TGM2: variants seen among roughly 807,000 people sequenced by gnomAD.
The protein encoded by TGM2 is transglutaminase 2.
TGM2 carries 53 observed loss-of-function variants against 75.6 expected under a neutral mutation model. The observed-to-expected ratio is 0.70, with a 90% CI of 0.56 to 0.88. The LOEUF (loss-of-function observed/expected upper bound fraction) is 0.88. TGM2 is among the 40% of genes least tolerant of loss of function. TGM2 has a pLI of 0.00. For missense variants in TGM2, 842 were observed against 928.5 expected, an observed-to-expected ratio of 0.91 and a Z score of 1.21; for synonymous variants, 374 against 381.1, an observed-to-expected ratio of 0.98 and a Z score of 0.22.
chr20:38,162,266 T>C (rs2075263325), intron 1 of TGM2, among the ~76,000 whole-genome samples: 1 of 152,246 alleles, frequency 6.6e-6, no homozygotes, highest in Non-Finnish European at 1.5e-5. Flanking sequence ...ACAATGTCTG[T>C]TGTGTAATAA....
chr20:38,155,832 T>TGGC lies in TGM2; in HGVS notation c.433+12_433+14dup. ...TGCCCACCCCAACGCTGTGAGTGGATGGCGTGTGGCTCACCTGGGCACCAG... is the reference window on the plus strand; with the variant it reads ...TGCCCACCCCAACGCTGTGAGTGGATGGCGGCGTGTGGCTCACCTGGGCACCAG... On this transcript the variant is annotated intron_variant, in intron 3 of 12. Coordinates refer to ENST00000361475, the MANE Select transcript of TGM2 (RefSeq NM_004613.4). The TGGC allele has an allele frequency of 6.3e-7, 1 of 1,592,592 alleles. No homozygotes were observed. The highest frequency in any genetic ancestry group is 8.5e-7 in the Non-Finnish European group (1 of 1,170,358).
At chr20:38,148,296 G>C (rs1252320075) in intron 4 of TGM2, among the ~76,000 whole-genome samples, 2 of 152,236 alleles carry the variant, frequency 1.3e-5, no homozygotes, top group African/African-American at 4.8e-5. Flanking sequence ...TGAGCCATGA[G>C]TGTGTGACGA....
chr20:38,159,490 G>A (rs983875711), intron 2 of TGM2, among the ~76,000 whole-genome samples: 3 of 151,716 alleles, frequency 2.0e-5, no homozygotes, highest in South Asian at 4.2e-4. Flanking sequence ...AAACCTGCAC[G>A]TGTACCCATG....
chr20:38,141,460 G>A, intron 7 of TGM2, 75 bp from the exon 8 acceptor site: 1 of 1,124,462 alleles, frequency 8.9e-7, no homozygotes, highest in Non-Finnish European at 1.3e-6. Flanking sequence ...GGCAGACCAT[G>A]CATTCATGTC....
chr20:38,165,213 G>A lies in TGM2; in HGVS notation c.-15C>T. 1 of 1,613,234 alleles carries A rather than the reference G, an allele frequency of 6.2e-7. No individual in the cohort carries two copies. On this transcript the variant is annotated 5_prime_UTR_variant, in exon 1 of 13. Coordinates refer to ENST00000361475, the MANE Select transcript of TGM2 (RefSeq NM_004613.4). ...CCCTCGGCCATGGTCGGGCGGGGGC[G>A]GTGGCTCCTTCCACTGGCGGCGAGA...
At chr20:38,145,321 G>T (rs1272015361) in intron 6 of TGM2, 1 of 152,204 alleles carries the variant, frequency 6.6e-6, no homozygotes, top group Non-Finnish European at 1.5e-5. Flanking sequence ...ATTGAGCCTG[G>T]TAATAATAAT....
intron 10 of TGM2, among the ~76,000 whole-genome samples, chr20:38,135,598 T>C (rs985863939): frequency 6.6e-6 from 1 of 151,960 alleles, no homozygotes; most frequent in Non-Finnish European, 1.5e-5. Flanking sequence ...GGTGTCCTTG[T>C]GTCCTGAACC....
chr20:38,165,064 T>G (rs1319231494), intron 1 of TGM2, 125 bp downstream of exon 1: 1 of 1,429,112 alleles, frequency 7.0e-7, no homozygotes, highest in Non-Finnish European at 9.8e-7. Flanking sequence ...TTGAGACGCC[T>G]CCTCACCCAG....
rs1201931225 is a variant in TGM2 at position 38,128,622 on chromosome 20, C to T, written c.*1597G>A. On this transcript the variant is annotated 3_prime_UTR_variant, in exon 13 of 13. Coordinates refer to ENST00000361475, the MANE Select transcript of TGM2 (RefSeq NM_004613.4). ...ATGTTGATTAATTGTGTGACTCTTT[C>T]CTGTGCAAAGCAGAAAGTTCTAAAT... 2 of 152,190 alleles carry T rather than the reference C, an allele frequency of 1.3e-5. No homozygotes were observed. The highest frequency in any genetic ancestry group is 2.4e-5 in the African/African-American group (1 of 41,436). The allele number at this position is 152,190 out of a possible 1,614,324, so 9.4% of individuals were successfully genotyped here.
Position 38,155,704 on chromosome 20 carries a change from G to A in TGM2, c.433+143C>T, listed in dbSNP as rs552711805. ...AGTACTCATGTCTTGAGGGTTTTGT[G>A]AGGCTGGAGCACAGTGGGCCTCACT... On this transcript the variant is annotated intron_variant, in intron 3 of 12. Coordinates refer to ENST00000361475, the MANE Select transcript of TGM2 (RefSeq NM_004613.4). 1.6e-5 allele frequency: 21 copies of A among 1,316,780 alleles called. No individual in the cohort carries two copies. In the African/African-American group the frequency reaches 2.5e-4, roughly 16 times the overall value. The allele number at this position is 1,316,780 out of a possible 1,614,324, so 81.6% of individuals were successfully genotyped here. A position where few individuals can be genotyped will look rare whatever the true frequency, so the allele number is the denominator to read the frequency against.
intron 1 of TGM2, among the ~76,000 whole-genome samples, chr20:38,161,983 G>A (rs1329333271): frequency 1.3e-5 from 2 of 152,002 alleles, no homozygotes; most frequent in Admixed American, 6.5e-5. Flanking sequence ...GGGACTATAG[G>A]TATGTGCCCA....
intron 4 of TGM2, among the ~76,000 whole-genome samples, chr20:38,150,281 G>A (rs1490143433): frequency 6.6e-6 from 1 of 152,174 alleles, no homozygotes; most frequent in Non-Finnish European, 1.5e-5. Context: ...AGGTCAGGCT[G>A]GCTTTACTGA....
chr20:38,149,447 G>A (rs1319457081), intron 4 of TGM2, among the ~76,000 whole-genome samples: 1 of 152,124 alleles, frequency 6.6e-6, no homozygotes, highest in African/African-American at 2.4e-5. Context: ...GGAGGCTGAG[G>A]CAGGCGGATC....
intron 3 of TGM2, among the ~76,000 whole-genome samples, chr20:38,152,070 T>C (rs2075121298): frequency 6.6e-6 from 1 of 152,226 alleles, no homozygotes; most frequent in African/African-American, 2.4e-5. Flanking sequence ...TTGAATGTTA[T>C]GACTGCCTTG....
At chr20:38,165,874 G>A (rs1336920251), upstream of TGM2, among the ~76,000 whole-genome samples, 4 of 152,000 alleles carry the variant, frequency 2.6e-5, no homozygotes, top group Non-Finnish European at 5.9e-5. Flanking sequence ...TCGAATGGCA[G>A]ACACACACCA....
intron 3 of TGM2, among the ~76,000 whole-genome samples, chr20:38,153,075 G>T (rs181999224): frequency 6.6e-6 from 1 of 152,174 alleles, no homozygotes; most frequent in Non-Finnish European, 1.5e-5. Flanking sequence ...TCTGTCCCGA[G>T]AAATCATTCC....
intron 2 of TGM2, among the ~76,000 whole-genome samples, 170 bp downstream of exon 2, chr20:38,161,250 C>T (rs2075248272): frequency 6.6e-6 from 1 of 152,204 alleles, no homozygotes; most frequent in Non-Finnish European, 1.5e-5. Flanking sequence ...CCTTTCCGGG[C>T]CTCAGTTCCC....
intron 6 of TGM2, among the ~76,000 whole-genome samples, chr20:38,144,950 A>G (rs73098470): frequency 0.03 from 4,633 of 152,280 alleles, 117 homozygotes; most frequent in Non-Finnish European, 0.048. Flanking sequence ...CAGGGTGACC[A>G]GGATGACCAG....
Position 38,139,402 on chromosome 20 carries a change from G to A in TGM2, c.1342+10C>T, listed in dbSNP as rs753667692. The A allele has an allele frequency of 3.1e-6, 5 of 1,613,946 alleles. No individual in the cohort carries two copies. The highest frequency in any genetic ancestry group is 1.3e-5 in the African/African-American group (1 of 74,922). Reference sequence around the variant, plus strand: ...TTCAAGGCTGCATTAAAGACTCTGAGGGCACATACCCTCTGGGTATTTGTA... The same window carrying A: ...TTCAAGGCTGCATTAAAGACTCTGAAGGCACATACCCTCTGGGTATTTGTA... On this transcript the variant is annotated intron_variant, in intron 9 of 12. Coordinates refer to ENST00000361475, the MANE Select transcript of TGM2 (RefSeq NM_004613.4).
Sources: allele counts gnomAD v4.1 joint callset (sites outside exome capture counted in the v4.1 genomes callset), GRCh38; gene constraint gnomAD v4.1.1; transcripts MANE v1.5; gene names NCBI Gene and HGNC (gene_info 2026-07-23, HGNC 2026-07-21).